Variants in CHN2 observed in about 807,000 individuals in gnomAD.
CHN2 encodes the protein beta-chimaerin.
A neutral mutation model predicts 56.3 loss-of-function variants in CHN2; 35 were observed. The observed-to-expected ratio is 0.62, with a 90% confidence interval of 0.47 to 0.82. CHN2 has a LOEUF of 0.82. Among genes scored for constraint, CHN2 ranks in the 40% least tolerant of loss-of-function variants. The pLI, the probability that CHN2 is intolerant of heterozygous loss-of-function variation, is 0.00. For missense variants in CHN2, 491 were observed against 580.5 expected (o/e 0.85, Z 1.58); for synonymous variants, 210 against 212.8 (o/e 0.99, Z 0.12).
intron 12 of CHN2, among the ~76,000 whole-genome samples, chr7:29,511,306 C>T (rs1791353974): frequency 6.6e-6 from 1 of 152,128 alleles, no homozygotes; most frequent in African/African-American, 2.4e-5. Flanking sequence ...TTTAGGAGTG[C>T]AAGTAATTTT....
At chr7:29,179,562 G>A (rs1296466732) in intron 2 of CHN2, among the ~76,000 whole-genome samples, 4 of 152,174 alleles carry the variant, frequency 2.6e-5, no homozygotes, top group Non-Finnish European at 5.9e-5. Context: ...TCATAAGCAA[G>A]AACAAGGCAG....
chr7:29,510,994 G>T (rs1215973986), intron 12 of CHN2, among the ~76,000 whole-genome samples: 1 of 152,100 alleles, frequency 6.6e-6, no homozygotes, highest in East Asian at 1.9e-4. Context: ...TCGATGAATT[G>T]GTGTTATAAC....
intron 1 of CHN2, chr7:29,335,854 T>C: frequency 6.6e-6 from 1 of 152,348 alleles, no homozygotes; most frequent in African/African-American, 2.4e-5. Flanking sequence ...TCCACTTTAA[T>C]AGTGGTCACC....
intron 1 of CHN2, chr7:29,197,829 G>T: frequency 2.3e-6 from 1 of 440,096 alleles, no homozygotes; most frequent in Non-Finnish European, 4.6e-6. Context: ...GGAGAAGGGT[G>T]CAGAGGAGAG....
At chr7:29,498,152 T>A (rs1789502434) in intron 8 of CHN2, among the ~76,000 whole-genome samples, 1 of 152,246 alleles carries the variant, frequency 6.6e-6, no homozygotes, top group South Asian at 2.1e-4. Flanking sequence ...ATACTTACAT[T>A]TTTTTATCAC....
At chr7:29,504,919 T>A in intron 10 of CHN2, 98 bp downstream of exon 10, 2 of 792,544 alleles carry the variant, frequency 2.5e-6, no homozygotes, top group Non-Finnish European at 4.2e-6. Context: ...TCAGAACTAC[T>A]AAGAGTTGTT....
chr7:29,450,599 G>T (rs972976109), intron 6 of CHN2, among the ~76,000 whole-genome samples: 1 of 152,178 alleles, frequency 6.6e-6, no homozygotes, highest in Non-Finnish European at 1.5e-5. Flanking sequence ...TCCAGAGGGA[G>T]CACAGCCCTC....
intron 1 of CHN2, among the ~76,000 whole-genome samples, chr7:29,273,787 A>T (rs147179568): frequency 3.1e-4 from 47 of 151,560 alleles, no homozygotes; most frequent in African/African-American, 1.1e-3. Context: ...AATTAATGGG[A>T]GGTGGTTGGA....
chr7:29,329,376 CAAAAAAAAAAAA>C (rs10667833), intron 1 of CHN2, among the ~76,000 whole-genome samples: 122 of 37,250 alleles, frequency 3.3e-3, no homozygotes, highest in Non-Finnish European at 3.6e-3. Flanking sequence ...TCAGATAAGG[CAAAAAAAAAAAA>C]AAAAAAAAAA....
intron 6 of CHN2, among the ~76,000 whole-genome samples, chr7:29,416,870 T>C (rs997698190): frequency 2.6e-5 from 4 of 152,218 alleles, no homozygotes. Flanking sequence ...GTTCTCTAAG[T>C]AGTGATTGCT....
chr7:29,447,755 C>G (rs988549991), intron 6 of CHN2, among the ~76,000 whole-genome samples: 1 of 152,080 alleles, frequency 6.6e-6, no homozygotes, highest in Non-Finnish European at 1.5e-5. Context: ...ATATAGATAA[C>G]ATGATATGTG....
intron 2 of CHN2, among the ~76,000 whole-genome samples, chr7:29,177,767 A>G (rs1399447735): frequency 6.6e-6 from 1 of 151,802 alleles, no homozygotes; most frequent in Non-Finnish European, 1.5e-5. Flanking sequence ...ACACCTACCC[A>G]TCTCATTATG....
intron 6 of CHN2, among the ~76,000 whole-genome samples, chr7:29,427,718 G>A (rs1385511072): frequency 4.8e-5 from 7 of 146,302 alleles, no homozygotes; most frequent in African/African-American, 1.3e-4. Flanking sequence ...GTGCAGTGGC[G>A]CGATCTTGTC....
chr7:29,346,881 C>A (rs549635976), intron 1 of CHN2, among the ~76,000 whole-genome samples: 2 of 152,306 alleles, frequency 1.3e-5, no homozygotes, highest in African/African-American at 4.8e-5. Flanking sequence ...TTTACACTTG[C>A]TCCTCAGGTG....
At chr7:29,336,759 C>CAAAAAA (rs5883205) in intron 1 of CHN2, among the ~76,000 whole-genome samples, 1 of 68,554 alleles carries the variant, frequency 1.5e-5, no homozygotes, top group Non-Finnish European at 2.5e-5. Context: ...GATTCTGTCT[C>CAAAAAA]AAAAAAAAAA....
chr7:29,300,783 A>G (rs886465764), intron 1 of CHN2, among the ~76,000 whole-genome samples: 4 of 152,250 alleles, frequency 2.6e-5, no homozygotes, highest in African/African-American at 9.6e-5. Context: ...TTCTTTAAGC[A>G]GCAAGTATGC....
At chr7:29,213,041 T>C (rs570826311) in intron 1 of CHN2, 1 of 1,606,356 alleles carries the variant, frequency 6.2e-7, no homozygotes, top group East Asian at 2.2e-5. Flanking sequence ...GAGGAATCTC[T>C]GCAGTCCTGC....
In CHN2 at chr7:29,509,432, CCTGCT is replaced by C. The variant is rs757899507; in HGVS notation, c.1235+33_1235+37del. On this transcript the variant is annotated intron_variant, in intron 12 of 12. Coordinates refer to ENST00000222792, the MANE Select transcript of CHN2 (RefSeq NM_004067.4). ...GTAAGCTCATGTCTCGTGCACAAAG[CCTGCT>C]CTGCTCCTAGAGCGGTTAATGCATG... 8.3e-6 allele frequency: 13 copies of C among 1,562,216 alleles called. No homozygotes were observed. The Admixed American group carries it at 8.3e-5, about 10-fold the overall frequency.
intron 6 of CHN2, among the ~76,000 whole-genome samples, chr7:29,457,360 G>A (rs566615888): frequency 6.6e-6 from 1 of 152,246 alleles, no homozygotes; most frequent in African/African-American, 2.4e-5. Flanking sequence ...CTTGGAAAGG[G>A]AGACCATGTT....
Sources: allele counts gnomAD v4.1 joint callset (sites outside exome capture counted in the v4.1 genomes callset), GRCh38; gene constraint gnomAD v4.1.1; transcripts MANE v1.5; gene names NCBI Gene and HGNC (gene_info 2026-07-23, HGNC 2026-07-21).